GALNT9: variants seen among roughly 807,000 people sequenced by gnomAD.
GALNT9 encodes polypeptide N-acetylgalactosaminyltransferase 9.
A neutral mutation model predicts 63.1 loss-of-function variants in GALNT9; 47 were observed. That is an observed-to-expected ratio of 0.75 (90% confidence interval 0.59 to 0.95). The LOEUF is 0.95. Ranked by LOEUF, GALNT9 falls within the 40% of genes least tolerant of loss-of-function variation. The pLI is 0.00. For missense variants in GALNT9, 829 were observed against 874.8 expected, an observed-to-expected ratio of 0.95 and a Z score of 0.66; for synonymous variants, 396 against 365.7, an observed-to-expected ratio of 1.08 and a Z score of -0.94.
chr12:132,270,306 C>A (rs1032441221), intron 2 of GALNT9, among the ~76,000 whole-genome samples: 17 of 152,212 alleles, frequency 1.1e-4, no homozygotes, highest in African/African-American at 4.1e-4. Flanking sequence ...CCGTGTCTCC[C>A]TGAAATACGA....
At chr12:132,303,382 G>C (rs114291321) in intron 1 of GALNT9, among the ~76,000 whole-genome samples, 19,845 of 107,136 alleles carry the variant, frequency 0.19, 2,146 homozygotes, top group African/African-American at 0.25. Context: ...CACCCTCTCC[G>C]GGGCACAGCC....
chr12:132,321,430 G>A (rs1477185375), intron 1 of GALNT9, among the ~76,000 whole-genome samples: 1 of 152,138 alleles, frequency 6.6e-6, no homozygotes, highest in African/African-American at 2.4e-5. Flanking sequence ...GGACCTCAGT[G>A]CCCCCACAAA....
intron 1 of GALNT9, among the ~76,000 whole-genome samples, chr12:132,318,977 A>T (rs1206214226): frequency 6.6e-6 from 1 of 152,152 alleles, no homozygotes; most frequent in Non-Finnish European, 1.5e-5. Context: ...GGCCCTGCTC[A>T]TGCACACCGG....
chr12:132,241,177 C>G (rs1556512040), intron 6 of GALNT9, among the ~76,000 whole-genome samples: 1 of 122,986 alleles, frequency 8.1e-6, no homozygotes, highest in Non-Finnish European at 1.7e-5. Flanking sequence ...ACCCCCTTCC[C>G]AGGGCCCTCC....
At position 132,257,787 on chromosome 12, in the gene GALNT9, A is replaced by G. The variant is rs1555239254; in HGVS notation, c.861T>C (p.Tyr287=). The change falls in exon 5 of 11, where the codon TAT becomes TAC. Residue 287 remains tyrosine (Y), a synonymous_variant. Transcript: ENST00000328957. ...IKYSTFEVQQ[Y]ANAAHGYNWG... Reference sequence around the variant, plus strand: ...AGTTGTAGCCATGGGCGGCGTTCGCATACTGCTGCACCTCAAACGTGCTGT... The same window carrying G: ...AGTTGTAGCCATGGGCGGCGTTCGCGTACTGCTGCACCTCAAACGTGCTGT... 1 of 1,550,428 alleles carries G rather than the reference A, an allele frequency of 6.4e-7. No homozygotes were observed. Among genetic ancestry groups the G allele is most frequent in the Admixed American group, 2.0e-5 (1 of 51,004 alleles).
intron 6 of GALNT9, among the ~76,000 whole-genome samples, chr12:132,222,904 CA>C (rs1877510741): frequency 9.1e-6 from 1 of 109,352 alleles, no homozygotes; most frequent in Admixed American, 9.1e-5. Flanking sequence ...CCGCACCCCA[CA>C]CCCCACATAC....
rs1174011688 is a variant in GALNT9, at chr12:132,265,259, G to C, written c.420-2634C>G. 3.9e-5 allele frequency among the ~76,000 whole-genome samples: 6 copies of C among 152,214 alleles called. No homozygotes were observed. The East Asian group carries it at 1.2e-3, about 29-fold the overall frequency. ...CCTCCTGCGCTCCTGCTGGGGATGA[G>C]GGAGAGGCCACGGGGAGAAAATGAC... On this transcript the variant is annotated intron_variant, in intron 2 of 10. Coordinates refer to ENST00000328957, the MANE Select transcript of GALNT9 (RefSeq NM_001122636.2). The surrounding 1 kb of genome is among the most constrained non-coding windows in gnomAD (Gnocchi z 5.3).
In GALNT9 at chr12:132,196,627, A is replaced by C; in HGVS notation, c.*480T>G. On this transcript the variant is annotated 3_prime_UTR_variant, in exon 11 of 11. Coordinates refer to ENST00000328957, the MANE Select transcript of GALNT9 (RefSeq NM_001122636.2). ...GCACCCCTCTTACCAGACCACAAGG[A>C]GCTGCATTATGATGTGTGACTTAGG... The C allele has an allele frequency of 1.0e-6, 1 of 992,920 alleles. No individual in the cohort carries two copies. Among genetic ancestry groups the C allele is most frequent in the African/African-American group, 1.7e-5 (1 of 57,438 alleles). 61.5% of individuals were successfully genotyped at this position (992,920 alleles called of 1,614,324 possible).
chr12:132,259,439 G>C (rs544759260), intron 4 of GALNT9, among the ~76,000 whole-genome samples: 4 of 152,206 alleles, frequency 2.6e-5, no homozygotes, highest in Non-Finnish European at 5.9e-5. Context: ...CAACACGTCA[G>C]AAGCTGATAA....
At chr12:132,281,865 A>C (rs1880361307) in intron 2 of GALNT9, among the ~76,000 whole-genome samples, 1 of 148,992 alleles carries the variant, frequency 6.7e-6, no homozygotes, top group Non-Finnish European at 1.5e-5. Context: ...CCCACATCCC[A>C]CAGAGGAGGA....
At chr12:132,202,306 A>G (rs1454848294) in intron 7 of GALNT9, among the ~76,000 whole-genome samples, 1 of 152,214 alleles carries the variant, frequency 6.6e-6, no homozygotes, top group East Asian at 1.9e-4. Flanking sequence ...TTATCACTTC[A>G]TGGAAAACAA....
At chr12:132,225,872 C>A (rs1436569045) in intron 6 of GALNT9, among the ~76,000 whole-genome samples, 6 of 145,650 alleles carry the variant, frequency 4.1e-5, no homozygotes, top group South Asian at 2.2e-4. Flanking sequence ...GTATACACAC[C>A]CCCCATACAC....
chr12:132,262,652 G>A (rs1566004375), intron 2 of GALNT9, 27 bp from the exon 3 acceptor site: 12 of 1,495,868 alleles, frequency 8.0e-6, no homozygotes, highest in Non-Finnish European at 1.1e-5. Context: ...TTGGGGTGCG[G>A]TCAGGGCGCA....
intron 6 of GALNT9, among the ~76,000 whole-genome samples, chr12:132,225,633 A>G (rs1263176250): frequency 6.9e-6 from 1 of 145,274 alleles, no homozygotes; most frequent in Non-Finnish European, 1.5e-5. Context: ...CACAACCCAC[A>G]CCCCACACAC....
rs138523432 is a variant in GALNT9, at chr12:132,249,574, T to A, written c.960-1547A>T. ...TTTTTAATAGCAACCTTTGATTGGGTAAGTTATAGTTTATCATATACAACA... is the reference window on the plus strand; with the variant it reads ...TTTTTAATAGCAACCTTTGATTGGGAAAGTTATAGTTTATCATATACAACA... On this transcript the variant is annotated intron_variant, in intron 5 of 10. Coordinates refer to ENST00000328957, the MANE Select transcript of GALNT9 (RefSeq NM_001122636.2). Among the ~76,000 whole-genome samples the A allele has an allele frequency of 1.1e-3, 167 of 152,352 alleles. 2 individuals carry two copies. Among genetic ancestry groups the A allele is most frequent in the African/African-American group, 3.9e-3 (161 of 41,574 alleles).
At chr12:132,284,757 A>T (rs781960816) in intron 2 of GALNT9, among the ~76,000 whole-genome samples, 35 of 152,332 alleles carry the variant, frequency 2.3e-4, no homozygotes, top group Non-Finnish European at 4.0e-4. Flanking sequence ...AGGAAGCTTC[A>T]TCACACCTAG....
rs374311620 is a variant in GALNT9 at position 132,325,089 on chromosome 12, G to A, written c.238+3877C>T. ...AGACCTTGCTCTCCCAAGTTCTTCC[G>A]GCGTCGTGCTCATGTGGCCCCGGCT... On this transcript the variant is annotated intron_variant, in intron 1 of 10. Transcript: ENST00000328957. Among the ~76,000 whole-genome samples the A allele has an allele frequency of 1.8e-3, 272 of 152,246 alleles. 3 individuals carry two copies. The highest frequency in any genetic ancestry group is 3.4e-3 in the Middle Eastern group (1 of 294).
chr12:132,300,193 C>T (rs557104541), intron 1 of GALNT9, among the ~76,000 whole-genome samples: 1 of 150,146 alleles, frequency 6.7e-6, no homozygotes, highest in South Asian at 2.1e-4. Flanking sequence ...TAACCTGCTC[C>T]CACCACACCT....
At chr12:132,228,083 G>A (rs973934773) in intron 6 of GALNT9, among the ~76,000 whole-genome samples, 26 of 152,088 alleles carry the variant, frequency 1.7e-4, no homozygotes, top group African/African-American at 5.1e-4. Context: ...GCCATGTGCC[G>A]CCCCAGCAGG....
Sources: gnomAD v4.1 joint callset for allele counts (sites outside exome capture counted in the v4.1 genomes callset) on GRCh38, gnomAD v4.1.1 for gene constraint, Gnocchi (gnomAD v3.1) non-coding constraint, MANE v1.5 for transcripts, NCBI Gene and HGNC (gene_info 2026-07-23, HGNC 2026-07-21) for gene names.